Variants in PTPRN2 observed in about 807,000 individuals in gnomAD.
PTPRN2 encodes the protein receptor-type tyrosine-protein phosphatase N2.
Under a neutral mutation model 118.8 loss-of-function variants are expected in PTPRN2, and 74 were observed. That is an observed-to-expected ratio of 0.62 (90% CI 0.52 to 0.76). The LOEUF is 0.76. Among genes scored for constraint, PTPRN2 ranks in the 30% least tolerant of loss-of-function variants. PTPRN2 has a pLI of 0.00. For missense variants in PTPRN2, 1,481 were observed against 1,394.4 expected, an observed-to-expected ratio of 1.06 and a Z score of -0.99; for synonymous variants, 641 against 608.0, an observed-to-expected ratio of 1.05 and a Z score of -0.80.
intron 6 of PTPRN2, among the ~76,000 whole-genome samples, chr7:158,148,480 C>T (rs113277497): frequency 0.026 from 2,020 of 77,866 alleles, no homozygotes; most frequent in African/African-American, 0.1. Flanking sequence ...CTCAATGACA[C>T]CCCATCTCAC....
intron 1 of PTPRN2, among the ~76,000 whole-genome samples, chr7:158,560,947 G>T (rs1473754432): frequency 6.6e-6 from 1 of 152,176 alleles, no homozygotes; most frequent in Non-Finnish European, 1.5e-5. Flanking sequence ...CTGGGCATCG[G>T]TTGATTAATC....
intron 2 of PTPRN2, among the ~76,000 whole-genome samples, chr7:158,350,849 G>GA (rs757699039): frequency 5.3e-5 from 8 of 152,156 alleles, no homozygotes; most frequent in Admixed American, 1.3e-4. Context: ...GCCAAAGGCA[G>GA]AAAAAACCCT....
intron 12 of PTPRN2, among the ~76,000 whole-genome samples, chr7:157,842,102 C>A (rs1194594354): frequency 6.6e-6 from 1 of 152,188 alleles, no homozygotes; most frequent in Non-Finnish European, 1.5e-5. Flanking sequence ...TGGAACCATG[C>A]ATCCATTTTA....
At chr7:158,312,843 G>C (rs537199670) in intron 3 of PTPRN2, among the ~76,000 whole-genome samples, 1 of 150,390 alleles carries the variant, frequency 6.6e-6, no homozygotes, top group African/African-American at 2.4e-5. Flanking sequence ...CGTGAGCATG[G>C]GTGTGTGTGC....
chr7:158,505,564 G>A (rs1199572893), intron 1 of PTPRN2, among the ~76,000 whole-genome samples: 5 of 152,208 alleles, frequency 3.3e-5, no homozygotes, highest in African/African-American at 9.7e-5. Context: ...AAAATCCTGA[G>A]CTGTAACACA....
intron 11 of PTPRN2, among the ~76,000 whole-genome samples, chr7:158,057,936 T>G (rs889267978): frequency 6.6e-6 from 1 of 152,254 alleles, no homozygotes; most frequent in African/African-American, 2.4e-5. Flanking sequence ...TGTTTCCTGC[T>G]AATCTGTTTA....
rs539666560 is a variant in PTPRN2 at position 158,478,134 on chromosome 7, G to T, written c.163+11601C>A. On this transcript the variant is annotated intron_variant, in intron 2 of 22. Coordinates refer to ENST00000389418, the MANE Select transcript of PTPRN2 (RefSeq NM_002847.5). ...GACAGGCACGGCGGCAAAGAGAGTG[G>T]GCTGAGTGGGTCATCACACAGCACG... 1.4e-4 allele frequency among the ~76,000 whole-genome samples: 22 copies of T among 152,336 alleles called. 1 individual carries two copies. The East Asian group carries it at 1.9e-3, about 13-fold the overall frequency.
chr7:157,657,183 C>T (rs1456918898), intron 13 of PTPRN2, among the ~76,000 whole-genome samples: 2 of 128,250 alleles, frequency 1.6e-5, no homozygotes, highest in Non-Finnish European at 3.3e-5. Flanking sequence ...CACACATATG[C>T]CACACACACA....
At chr7:157,994,326 T>C (rs1045198095) in intron 11 of PTPRN2, among the ~76,000 whole-genome samples, 1 of 152,156 alleles carries the variant, frequency 6.6e-6, no homozygotes, top group Non-Finnish European at 1.5e-5. Context: ...TTTCTCCTCT[T>C]AAAGCTGACA....
chr7:157,973,009 G>T (rs1802461019), intron 11 of PTPRN2, among the ~76,000 whole-genome samples: 1 of 151,794 alleles, frequency 6.6e-6, no homozygotes, highest in South Asian at 2.1e-4. Flanking sequence ...TTCAGAGACT[G>T]CAGGAACTCC....
Position 157,967,432 on chromosome 7 carries a change from G to A in PTPRN2, c.1724-68695C>T, listed in dbSNP as rs529443867. Reference sequence around the variant, plus strand: ...TCTGAATGCGGATGACGGTAAATGGGATGGAAGGTGCAGGTAGAGACTCTG... The same window carrying A: ...TCTGAATGCGGATGACGGTAAATGGAATGGAAGGTGCAGGTAGAGACTCTG... On this transcript the variant is annotated intron_variant, in intron 11 of 22. Coordinates refer to ENST00000389418, the MANE Select transcript of PTPRN2 (RefSeq NM_002847.5). Among the ~76,000 whole-genome samples the A allele has an allele frequency of 5.9e-5, 9 of 152,346 alleles. No homozygotes were observed. The South Asian group carries it at 1.9e-3, about 32-fold the overall frequency.
chr7:157,727,993 C>A (rs1728028082), intron 12 of PTPRN2, among the ~76,000 whole-genome samples: 1 of 152,184 alleles, frequency 6.6e-6, no homozygotes, highest in Admixed American at 6.5e-5. Context: ...CATCTGTGGG[C>A]CCCCCAGCTC....
intron 1 of PTPRN2, among the ~76,000 whole-genome samples, chr7:158,534,887 C>T (rs567850742): frequency 3.3e-5 from 5 of 152,280 alleles, no homozygotes; most frequent in Admixed American, 6.5e-5. Flanking sequence ...GGGTGGGAAA[C>T]GCAGCGGGAG....
intron 12 of PTPRN2, among the ~76,000 whole-genome samples, chr7:157,871,093 T>C (rs1455203237): frequency 7.2e-5 from 11 of 152,178 alleles, no homozygotes. Context: ...TGGACTTCCT[T>C]ACGAAGAAGC....
intron 2 of PTPRN2, among the ~76,000 whole-genome samples, chr7:158,423,702 G>A (rs542058971): frequency 6.6e-6 from 1 of 151,818 alleles, no homozygotes; most frequent in South Asian, 2.1e-4. Flanking sequence ...GTAGAGACGG[G>A]GTTTCACCAC....
intron 3 of PTPRN2, among the ~76,000 whole-genome samples, chr7:158,250,322 A>G (rs1796574284): frequency 6.6e-6 from 1 of 152,146 alleles, no homozygotes; most frequent in South Asian, 2.1e-4. Context: ...CATAATTTTC[A>G]GATTCTTTCT....
At chr7:157,968,219 C>T (rs535830651) in intron 11 of PTPRN2, among the ~76,000 whole-genome samples, 16 of 152,278 alleles carry the variant, frequency 1.1e-4, no homozygotes, top group South Asian at 6.2e-4. Context: ...ATGTAACAAG[C>T]GGTAACTGTG....
chr7:157,582,448 G>A (rs1800444031), intron 17 of PTPRN2, among the ~76,000 whole-genome samples: 1 of 152,202 alleles, frequency 6.6e-6, no homozygotes, highest in South Asian at 2.1e-4. Context: ...AAACCACAGC[G>A]CACTGGCACC....
intron 11 of PTPRN2, among the ~76,000 whole-genome samples, chr7:158,064,558 C>T (rs750761422): frequency 2.6e-5 from 4 of 151,502 alleles, no homozygotes; most frequent in Non-Finnish European, 5.9e-5. Flanking sequence ...TTCCTGGAAT[C>T]TGGCTGCTAA....
Sources: allele counts gnomAD v4.1 joint callset (sites outside exome capture counted in the v4.1 genomes callset), GRCh38; gene constraint gnomAD v4.1.1; transcripts MANE v1.5; gene names NCBI Gene and HGNC (gene_info 2026-07-23, HGNC 2026-07-21).